The following ZNF148 variants were observed in gnomAD, a reference collection of about 807,000 sequenced individuals.
The protein encoded by ZNF148 is Beta-Enolase Repressor Factor-1.
A neutral mutation model predicts 67.7 loss-of-function variants in ZNF148; 7 were observed. The observed-to-expected ratio is 0.10, with a 90% confidence interval of 0.06 to 0.19. The LOEUF (loss-of-function observed/expected upper bound fraction) is 0.19. Among genes scored for constraint, ZNF148 ranks in the 10% least tolerant of loss-of-function variants. The pLI, the probability that ZNF148 is intolerant of heterozygous loss-of-function variation, is 1.00. For missense variants in ZNF148, 583 were observed against 947.1 expected (o/e 0.62, Z 5.05); for synonymous variants, 333 against 330.7 (o/e 1.01, Z -0.08).
At chr3:125,337,348 T>A (rs1269426522) in intron 1 of ZNF148, among the ~76,000 whole-genome samples, 4 of 152,208 alleles carry the variant, frequency 2.6e-5, no homozygotes. Flanking sequence ...CTTTTAAATC[T>A]AAATCACCTG....
chr3:125,340,987 CAA>C (rs934719609), intron 1 of ZNF148, among the ~76,000 whole-genome samples: 341 of 12,026 alleles, frequency 0.028, 2 homozygotes, highest in African/African-American at 0.089. Context: ...GACTCCGGCT[CAA>C]AAAAAAAAAA....
intron 7 of ZNF148, among the ~76,000 whole-genome samples, chr3:125,269,896 TTAAA>T (rs1307903354): frequency 6.6e-6 from 1 of 151,882 alleles, no homozygotes; most frequent in African/African-American, 2.4e-5. Context: ...TAAGTGGGCG[TTAAA>T]TCTTGGGTAC....
chr3:125,299,358 G>A (rs1413493512), intron 4 of ZNF148, among the ~76,000 whole-genome samples: 1 of 152,098 alleles, frequency 6.6e-6, no homozygotes, highest in African/African-American at 2.4e-5. Context: ...TTAGGAGACT[G>A]GTTATGTTAT....
intron 5 of ZNF148, among the ~76,000 whole-genome samples, chr3:125,284,927 A>AAG (rs1553816177): frequency 2.4e-4 from 36 of 152,024 alleles, no homozygotes; most frequent in African/African-American, 8.4e-4. Flanking sequence ...AAAAAAAAAA[A>AAG]AAGACTCAGC....
intron 1 of ZNF148, among the ~76,000 whole-genome samples, chr3:125,369,370 G>A (rs1425629006): frequency 2.1e-4 from 9 of 42,866 alleles, no homozygotes; most frequent in Admixed American, 6.8e-4. Flanking sequence ...AGAAGACAAA[G>A]AATACTGCAA....
intron 4 of ZNF148, among the ~76,000 whole-genome samples, chr3:125,303,752 T>C (rs1939723573): frequency 6.6e-6 from 1 of 151,942 alleles, no homozygotes; most frequent in Non-Finnish European, 1.5e-5. Flanking sequence ...GCACAATACA[T>C]GTAATGCTTT....
rs1935810382 is a variant in ZNF148, at chr3:125,230,451, T to G, written c.*1890A>C. The G allele has an allele frequency of 6.6e-6, 1 of 152,422 alleles. No homozygotes were observed. The highest frequency in any genetic ancestry group is 2.4e-5 in the African/African-American group (1 of 41,390). 9.4% of individuals were successfully genotyped at this position (152,422 alleles called of 1,614,324 possible). A position where few individuals can be genotyped will look rare whatever the true frequency, so the allele number is the denominator to read the frequency against. Reference sequence around the variant, plus strand: ...AAAACTTTGGCAGCAAAGAAAGCTGTCAAACGGGAAAACTACTATTTCAAG... The same window carrying G: ...AAAACTTTGGCAGCAAAGAAAGCTGGCAAACGGGAAAACTACTATTTCAAG... On this transcript the variant is annotated 3_prime_UTR_variant, in exon 9 of 9. Transcript: ENST00000360647.
intron 7 of ZNF148, among the ~76,000 whole-genome samples, chr3:125,239,527 A>T (rs1458020884): frequency 6.6e-6 from 1 of 152,176 alleles, no homozygotes; most frequent in East Asian, 1.9e-4. Flanking sequence ...ATAATAACAA[A>T]AGCATGGATG....
intron 1 of ZNF148, among the ~76,000 whole-genome samples, chr3:125,340,940 A>T (rs577594417): frequency 7.0e-6 from 1 of 142,176 alleles, no homozygotes; most frequent in East Asian, 2.1e-4. Flanking sequence ...GTGAGCCGAG[A>T]TCCCGCCACT....
chr3:125,349,895 T>A (rs888188657), intron 1 of ZNF148, among the ~76,000 whole-genome samples: 1 of 152,208 alleles, frequency 6.6e-6, no homozygotes, highest in Non-Finnish European at 1.5e-5. Flanking sequence ...ATCCCATTAC[T>A]GGGTGTATAT....
At chr3:125,236,165 T>A (rs896620115) in intron 7 of ZNF148, among the ~76,000 whole-genome samples, 2 of 152,130 alleles carry the variant, frequency 1.3e-5, no homozygotes, top group Non-Finnish European at 2.9e-5. Context: ...TTATATTTCT[T>A]TAGGTCAGAA....
intron 1 of ZNF148, among the ~76,000 whole-genome samples, chr3:125,350,250 T>G (rs1942093765): frequency 6.6e-6 from 1 of 152,310 alleles, no homozygotes; most frequent in African/African-American, 2.4e-5. Flanking sequence ...ATCTCCCGTC[T>G]CCTGGGTTCA....
At chr3:125,261,083 C>T (rs768352581) in intron 7 of ZNF148, among the ~76,000 whole-genome samples, 4 of 152,114 alleles carry the variant, frequency 2.6e-5, no homozygotes, top group African/African-American at 2.4e-5. Flanking sequence ...GAAAGACTGA[C>T]AAGCTTTTAA....
At chr3:125,234,072 G>T in intron 8 of ZNF148, 133 bp from the exon 9 acceptor site, 1 of 1,289,722 alleles carries the variant, frequency 7.8e-7, no homozygotes, top group Non-Finnish European at 1.0e-6. Context: ...AATTCACTGA[G>T]CCAATTTTCT....
chr3:125,275,118 G>C (rs7615035), intron 7 of ZNF148, among the ~76,000 whole-genome samples: 45,629 of 152,048 alleles, frequency 0.3, 7,286 homozygotes, highest in Middle Eastern at 0.36. Flanking sequence ...TCTATAAAAA[G>C]AATCAAGAAT....
intron 1 of ZNF148, among the ~76,000 whole-genome samples, chr3:125,347,250 G>A (rs955509443): frequency 2.0e-5 from 3 of 152,076 alleles, no homozygotes; most frequent in Non-Finnish European, 2.9e-5. Context: ...TTGTTAAGAG[G>A]AAAATACTTC....
intron 8 of ZNF148, 29 bp downstream of exon 8, chr3:125,234,182 G>T (rs778417464): frequency 7.0e-7 from 1 of 1,418,706 alleles, no homozygotes; most frequent in Non-Finnish European, 9.9e-7. Flanking sequence ...TTTAATTACA[G>T]TAGAAGAATT....
chr3:125,277,699 A>T (rs1480955647), intron 7 of ZNF148, 27 bp downstream of exon 7: 2 of 1,572,648 alleles, frequency 1.3e-6, no homozygotes, highest in African/African-American at 2.7e-5. Flanking sequence ...CATTTTAATG[A>T]ACCTAGTAAG....
intron 2 of ZNF148, 123 bp from the exon 3 acceptor site, chr3:125,323,567 G>A: frequency 4.0e-6 from 2 of 500,834 alleles, no homozygotes; most frequent in Non-Finnish European, 7.0e-6. Context: ...AGTAAGTTAT[G>A]ACTGAATGAC....
Sources: allele counts gnomAD v4.1 joint callset (sites outside exome capture counted in the v4.1 genomes callset), GRCh38; gene constraint gnomAD v4.1.1; transcripts MANE v1.5; gene names NCBI Gene and HGNC (gene_info 2026-07-23, HGNC 2026-07-21).